Variants in AS3MT observed in about 807,000 individuals in gnomAD.
The protein encoded by AS3MT is arsenite methyltransferase, also known as S-adenosyl-L-methionine:arsenic(III) methyltransferase.
AS3MT carries 47 observed loss-of-function variants against 45.3 expected under a neutral mutation model. That is an observed-to-expected ratio of 1.04 (90% CI 0.82 to 1.32). AS3MT has a LOEUF of 1.32. Ranked by LOEUF, AS3MT falls within the 40% of genes most tolerant of loss-of-function variation. The probability of loss-of-function intolerance (pLI) is 0.00; values close to 1 mark genes in which losing one functional copy is unlikely to be tolerated. For synonymous variants in AS3MT, 141 were observed against 152.8 expected (o/e 0.92, Z 0.57); for missense variants, 396 against 451.1 (o/e 0.88, Z 1.11).
intron 9 of AS3MT, among the ~76,000 whole-genome samples, chr10:102,884,484 A>G (rs146745545): frequency 1.3e-5 from 2 of 148,552 alleles, no homozygotes; most frequent in South Asian, 2.1e-4. Context: ...TTCCACATAT[A>G]ATCTAGCGAG....
chr10:102,886,083 T>A (rs1339641446), intron 9 of AS3MT, among the ~76,000 whole-genome samples: 3 of 152,142 alleles, frequency 2.0e-5, no homozygotes, highest in Non-Finnish European at 4.4e-5. Context: ...GCTAAAGATT[T>A]ATTTTATTTT....
intron 5 of AS3MT, 71 bp downstream of exon 5, chr10:102,873,304 G>T: frequency 1.7e-6 from 2 of 1,209,304 alleles, no homozygotes; most frequent in Admixed American, 3.3e-5. Flanking sequence ...TTATTGAGAT[G>T]GACTCTCGCT....
chr10:102,890,739 C>A, intron 10 of AS3MT, 61 bp downstream of exon 10: 2 of 1,510,482 alleles, frequency 1.3e-6, no homozygotes, highest in African/African-American at 2.8e-5. Flanking sequence ...GAGATGGAGT[C>A]TCTCTCTGTC....
At chr10:102,872,271 C>T (rs577722992) in intron 3 of AS3MT, among the ~76,000 whole-genome samples, 177 bp from the exon 4 acceptor site, 1 of 152,164 alleles carries the variant, frequency 6.6e-6, no homozygotes, top group Non-Finnish European at 1.5e-5. Flanking sequence ...CAGTCCCAGC[C>T]TTCATGGGTG....
rs764828334 is a variant in AS3MT, at chr10:102,878,391, G to A, written c.623G>A (p.Gly208Asp). 55 of 1,613,992 alleles carry A rather than the reference G, an allele frequency of 3.4e-5. No individual in the cohort carries two copies. Among genetic ancestry groups the A allele is most frequent in the Non-Finnish European group, 4.3e-5 (51 of 1,179,982 alleles). The change falls in exon 8 of 11, where the codon GGT becomes GAT. Residue 208 changes from glycine (G) to aspartate (D), a missense_variant. Coordinates refer to ENST00000369880, the MANE Select transcript of AS3MT (RefSeq NM_020682.4). ...GTTTGTTTTTTAGGTGAGTGTCTGG[G>A]TGGTGCTTTATACTGGAAGGAACTT... ...THKVLWGECLGGALYWKELAV... is the reference protein window; with the variant it reads ...THKVLWGECLDGALYWKELAV...
At chr10:102,888,667 C>T (rs992725389) in intron 9 of AS3MT, among the ~76,000 whole-genome samples, 1 of 151,736 alleles carries the variant, frequency 6.6e-6, no homozygotes, top group African/African-American at 2.4e-5. Context: ...GTGATCCACT[C>T]GCCCTGGCCT....
At chr10:102,898,256 A>G (rs1845212557) in intron 10 of AS3MT, among the ~76,000 whole-genome samples, 1 of 152,030 alleles carries the variant, frequency 6.6e-6, no homozygotes, top group African/African-American at 2.4e-5. Flanking sequence ...TTTAATCCTG[A>G]TATGCAAAAT....
chr10:102,888,478 A>G (rs1357880019), intron 9 of AS3MT, among the ~76,000 whole-genome samples: 1 of 150,892 alleles, frequency 6.6e-6, no homozygotes. Context: ...CTGGAGTGCA[A>G]TGGCGCAATC....
intron 3 of AS3MT, among the ~76,000 whole-genome samples, chr10:102,871,411 G>T (rs1187300032): frequency 6.6e-6 from 1 of 151,862 alleles, no homozygotes; most frequent in African/African-American, 2.4e-5. Flanking sequence ...TCCGGGTGTG[G>T]CGGCACGCGC....
rs928210555 is a variant in AS3MT, at chr10:102,890,629, T to C, written c.971T>C (p.Ile324Thr). ...RFAQDFLIRP[I>T]GEKLPTSGGC... is the part of the protein sequence containing the mutation. Reference sequence around the variant, plus strand: ...GCTCAAGATTTTCTGATCAGACCAATTGGAGAGAAGTTGCCAACATCTGGA... The same window carrying C: ...GCTCAAGATTTTCTGATCAGACCAACTGGAGAGAAGTTGCCAACATCTGGA... Residue 324 changes from isoleucine to threonine, a missense_variant, in exon 10 of 11, where the codon ATT becomes ACT. Ile to Thr is a moderately conservative substitution (Grantham distance 89, BLOSUM62 -1). Coordinates refer to ENST00000369880, the MANE Select transcript of AS3MT (RefSeq NM_020682.4). 1.1e-5 allele frequency: 18 copies of C among 1,613,476 alleles called. No homozygotes were observed. The Admixed American group carries it at 2.0e-4, about 18-fold the overall frequency.
At chr10:102,875,909 G>T (rs1413831202) in intron 6 of AS3MT, among the ~76,000 whole-genome samples, 2 of 152,100 alleles carry the variant, frequency 1.3e-5, no homozygotes, top group Admixed American at 1.3e-4. Flanking sequence ...GAGCCGCTGT[G>T]CCTGGCCAAA....
Position 102,900,846 on chromosome 10 carries a change from G to C in AS3MT, c.*146G>C. On this transcript the variant is annotated 3_prime_UTR_variant, in exon 11 of 11. Coordinates refer to ENST00000369880, the MANE Select transcript of AS3MT (RefSeq NM_020682.4). Reference sequence around the variant, plus strand: ...TGCCTATAATCCCAGCACTTTGGGAGGCCGAGGCAGGCAGATCACCTGAGG... The same window carrying C: ...TGCCTATAATCCCAGCACTTTGGGACGCCGAGGCAGGCAGATCACCTGAGG... 1.7e-6 allele frequency: 1 copy of C among 572,684 alleles called. No homozygotes were observed. The highest frequency in any genetic ancestry group is 3.1e-6 in the Non-Finnish European group (1 of 325,632). 35.5% of individuals were successfully genotyped at this position (572,684 alleles called of 1,614,324 possible). A position where few individuals can be genotyped will look rare whatever the true frequency, so the allele number is the denominator to read the frequency against.
intron 10 of AS3MT, among the ~76,000 whole-genome samples, chr10:102,896,281 C>A (rs552810926): frequency 1.4e-5 from 2 of 145,312 alleles, no homozygotes; most frequent in African/African-American, 5.1e-5. Context: ...TGTAGTGAGC[C>A]GTGATCACAA....
At chr10:102,883,300 C>T (rs1844896390) in intron 9 of AS3MT, among the ~76,000 whole-genome samples, 1 of 151,304 alleles carries the variant, frequency 6.6e-6, no homozygotes, top group Admixed American at 6.6e-5. Flanking sequence ...AGGGTTTCAC[C>T]ATGTTGGCCA....
At position 102,890,533 on chromosome 10, in the gene AS3MT, C is replaced by T. The variant is rs773138844; in HGVS notation, c.886-11C>T. On this transcript the variant is annotated splice_polypyrimidine_tract_variant and intron_variant, in intron 9 of 10. Coordinates refer to ENST00000369880, the MANE Select transcript of AS3MT (RefSeq NM_020682.4). ...GCAACTCTTAGTATTTTTTTTTATACTACCCTTTAGGAAGGTGAAATTGTT... is the reference window on the plus strand; with the variant it reads ...GCAACTCTTAGTATTTTTTTTTATATTACCCTTTAGGAAGGTGAAATTGTT... 3.2e-6 allele frequency: 5 copies of T among 1,567,954 alleles called. No individual in the cohort carries two copies. The highest frequency in any genetic ancestry group is 4.5e-5 in the East Asian group (2 of 44,082).
At position 102,900,840 on chromosome 10, in the gene AS3MT, T is replaced by C. The variant is rs1252950057; in HGVS notation, c.*140T>C. On this transcript the variant is annotated 3_prime_UTR_variant, in exon 11 of 11. Coordinates refer to ENST00000369880, the MANE Select transcript of AS3MT (RefSeq NM_020682.4). Reference sequence around the variant, plus strand: ...GGCTCATGCCTATAATCCCAGCACTTTGGGAGGCCGAGGCAGGCAGATCAC... The same window carrying C: ...GGCTCATGCCTATAATCCCAGCACTCTGGGAGGCCGAGGCAGGCAGATCAC... 8.1e-6 allele frequency: 5 copies of C among 615,128 alleles called. No individual in the cohort carries two copies. Among genetic ancestry groups the C allele is most frequent in the Non-Finnish European group, 1.4e-5 (5 of 357,090 alleles). 38.1% of individuals were successfully genotyped at this position (615,128 alleles called of 1,614,324 possible). A position where few individuals can be genotyped will look rare whatever the true frequency, so the allele number is the denominator to read the frequency against.
intron 5 of AS3MT, 79 bp from the exon 6 acceptor site, chr10:102,874,513 C>T: frequency 9.4e-7 from 1 of 1,063,482 alleles, no homozygotes. Context: ...CGGTGGGAAC[C>T]ACCTTTAGGG....
intron 5 of AS3MT, 118 bp downstream of exon 5, chr10:102,873,351 G>C: frequency 3.9e-6 from 3 of 772,664 alleles, no homozygotes; most frequent in Non-Finnish European, 5.4e-6. Context: ...CCCAATGTCA[G>C]CTCACGATAA....
intron 9 of AS3MT, chr10:102,888,275 A>G (rs771581821): frequency 1.3e-5 from 2 of 152,342 alleles, no homozygotes; most frequent in South Asian, 4.1e-4. Flanking sequence ...TTATTGATAC[A>G]TAAAGACTTA....
Sources: allele counts gnomAD v4.1 joint callset (sites outside exome capture counted in the v4.1 genomes callset), GRCh38; gene constraint gnomAD v4.1.1; transcripts MANE v1.5; gene names NCBI Gene and HGNC (gene_info 2026-07-23, HGNC 2026-07-21).